The following COPS4 variants were observed in gnomAD, a reference collection of about 807,000 sequenced individuals.
The protein encoded by COPS4 is COP9 signalosome subunit 4, also known as COP9 signalosome complex subunit 4.
A neutral mutation model predicts 55.1 loss-of-function variants in COPS4; 8 were observed. The ratio of observed to expected loss-of-function variants is 0.15; its 90% CI spans 0.09 to 0.26. The LOEUF is 0.26. Among genes scored for constraint, COPS4 ranks in the 10% least tolerant of loss-of-function variants. The pLI is 1.00. For synonymous variants in COPS4, 185 were observed against 165.7 expected, an observed-to-expected ratio of 1.12 and a Z score of -0.90; for missense variants, 248 against 484.0, an observed-to-expected ratio of 0.51 and a Z score of 4.58.
At chr4:83,064,866 T>G (rs909039570) in intron 7 of COPS4, among the ~76,000 whole-genome samples, 1 of 120,148 alleles carries the variant, frequency 8.3e-6, no homozygotes, top group Non-Finnish European at 1.7e-5. Context: ...GGTTAAGCAG[T>G]CCCTTTTTTT....
At chr4:83,070,054 A>G (rs1731383548) in intron 9 of COPS4, among the ~76,000 whole-genome samples, 1 of 152,140 alleles carries the variant, frequency 6.6e-6, no homozygotes, top group Non-Finnish European at 1.5e-5. Context: ...AACATATCAA[A>G]TAGTGTTGAT....
intron 4 of COPS4, among the ~76,000 whole-genome samples, chr4:83,053,734 G>GCTTCACC (rs1730945623): frequency 6.7e-6 from 1 of 149,460 alleles, no homozygotes. Context: ...CAGCTACTGG[G>GCTTCACC]GAGGCTGAAG....
chr4:83,063,422 C>CAA (rs2126133317), intron 7 of COPS4, among the ~76,000 whole-genome samples, 176 bp downstream of exon 7: 1 of 150,196 alleles, frequency 6.7e-6, no homozygotes, highest in Admixed American at 6.6e-5. Context: ...TTTTTTGAGA[C>CAA]AGAGTCTTGC....
chr4:83,038,525 T>G (rs1730481264), intron 1 of COPS4, among the ~76,000 whole-genome samples: 2 of 152,252 alleles, frequency 1.3e-5, no homozygotes, highest in African/African-American at 4.8e-5. Flanking sequence ...CTAGAATGCC[T>G]GTCTTCCTAC....
intron 9 of COPS4, among the ~76,000 whole-genome samples, chr4:83,070,180 A>G (rs987524782): frequency 1.3e-5 from 2 of 152,152 alleles, no homozygotes; most frequent in African/African-American, 4.8e-5. Flanking sequence ...TCATCTTTGT[A>G]GAATCTGTAG....
chr4:83,060,778 T>C (rs980152865), intron 6 of COPS4, among the ~76,000 whole-genome samples: 4 of 151,254 alleles, frequency 2.6e-5, no homozygotes, highest in African/African-American at 9.7e-5. Flanking sequence ...CTCACGCCTG[T>C]AATCCCAGCA....
intron 4 of COPS4, 32 bp from the exon 5 acceptor site, chr4:83,056,894 G>T: frequency 6.6e-7 from 1 of 1,514,730 alleles, no homozygotes; most frequent in Non-Finnish European, 9.0e-7. Flanking sequence ...ACAAAATGTT[G>T]AGTCATTATG....
At chr4:83,062,648 T>C (rs1380806099) in intron 6 of COPS4, among the ~76,000 whole-genome samples, 5 of 152,228 alleles carry the variant, frequency 3.3e-5, no homozygotes, top group African/African-American at 9.6e-5. Flanking sequence ...CACCCAGCCA[T>C]AGTGCTGAAG....
At chr4:83,060,527 C>G (rs1731138558) in intron 6 of COPS4, among the ~76,000 whole-genome samples, 1 of 151,008 alleles carries the variant, frequency 6.6e-6, no homozygotes, top group Admixed American at 6.6e-5. Context: ...AGGATGGTGT[C>G]GATCTCCTGA....
In COPS4 at chr4:83,065,129, G is replaced by C. The variant is rs1202533480; in HGVS notation, c.887-1309G>C. 15 of 652,226 alleles carry C rather than the reference G, an allele frequency of 2.3e-5. No homozygotes were observed. In the East Asian group the frequency reaches 4.4e-4, roughly 19 times the overall value. 40.4% of individuals were successfully genotyped at this position (652,226 alleles called of 1,614,324 possible). The stretch of plus-strand genomic sequence containing the variant: ...GGCTCAAGCAGTTCCTCCCATCTTG[G>C]CTTCCCAAAGTGCTGGGATGATAGG... On this transcript the variant is annotated intron_variant, in intron 7 of 9. Coordinates refer to ENST00000264389, the MANE Select transcript of COPS4 (RefSeq NM_016129.3).
At chr4:83,060,760 C>T (rs1269847954) in intron 6 of COPS4, among the ~76,000 whole-genome samples, 1 of 151,634 alleles carries the variant, frequency 6.6e-6, no homozygotes, top group Non-Finnish European at 1.5e-5. Context: ...TGAGGCCAGG[C>T]ACGGTGGCTC....
chr4:83,041,274 G>A lies in COPS4; in HGVS notation c.75-4352G>A, dbSNP rs564921692. Among the ~76,000 whole-genome samples the A allele has an allele frequency of 3.3e-5, 5 of 151,958 alleles. No individual in the cohort carries two copies. The South Asian group carries it at 1.0e-3, about 32-fold the overall frequency. On this transcript the variant is annotated intron_variant, in intron 1 of 9. Coordinates refer to ENST00000264389, the MANE Select transcript of COPS4 (RefSeq NM_016129.3). ...GACAGAGTTTCACCATGTTGGGCAG[G>A]CTGGTCTTGAACTCCTGACCTCAGG...
At chr4:83,039,889 G>A (rs754698274) in intron 1 of COPS4, among the ~76,000 whole-genome samples, 1 of 152,144 alleles carries the variant, frequency 6.6e-6, no homozygotes, top group African/African-American at 2.4e-5. Context: ...CTCCTGCCTC[G>A]GCCTACAAAA....
chr4:83,063,293 A>C (rs376957792), intron 7 of COPS4, 47 bp downstream of exon 7: 335 of 1,317,316 alleles, frequency 2.5e-4, no homozygotes, highest in Non-Finnish European at 3.3e-4. Flanking sequence ...GTTTAGGTAC[A>C]GACTAGTGAA....
rs767702565 is a variant in COPS4 at position 83,049,913 on chromosome 4, A to T, written c.339A>T (p.Ile113=). The change falls in exon 4 of 10, where the codon ATA becomes ATT. Residue 113 remains isoleucine (I), a synonymous_variant. Coordinates refer to ENST00000264389, the MANE Select transcript of COPS4 (RefSeq NM_016129.3). ...CCATAAGACAGCATCTTGCATCTAT[A>T]TATGAGAAAGAAGAAGATTGGAGAA... The part of the protein sequence containing the change: ...VASIRQHLAS[I]YEKEEDWRNA... The T allele has an allele frequency of 5.0e-6, 8 of 1,611,552 alleles. No homozygotes were observed. Among genetic ancestry groups the T allele is most frequent in the Non-Finnish European group, 6.8e-6 (8 of 1,179,000 alleles).
intron 9 of COPS4, 53 bp from the exon 10 acceptor site, chr4:83,075,244 T>G: frequency 6.5e-7 from 1 of 1,546,238 alleles, no homozygotes; most frequent in Non-Finnish European, 8.9e-7. Flanking sequence ...AACTCACAGT[T>G]GCTGTGAATA....
intron 1 of COPS4, among the ~76,000 whole-genome samples, chr4:83,038,579 A>G (rs1416070529): frequency 6.6e-6 from 1 of 152,108 alleles, no homozygotes; most frequent in African/African-American, 2.4e-5. Flanking sequence ...GATCAACCCC[A>G]TCCAATGATT....
At chr4:83,043,549 A>G (rs35981967) in intron 1 of COPS4, among the ~76,000 whole-genome samples, 27 of 145,114 alleles carry the variant, frequency 1.9e-4, no homozygotes, top group East Asian at 4.0e-4. Context: ...AAAAAAAACC[A>G]TAACAACCAC....
chr4:83,049,380 A>G (rs1730800974), intron 3 of COPS4, 63 bp downstream of exon 3: 23 of 1,399,238 alleles, frequency 1.6e-5, no homozygotes, highest in Admixed American at 2.5e-5. Flanking sequence ...AGAATCTGAT[A>G]TTAGTAAATT....
Sources: gnomAD v4.1 joint callset for allele counts (sites outside exome capture counted in the v4.1 genomes callset) on GRCh38, gnomAD v4.1.1 for gene constraint, MANE v1.5 for transcripts, NCBI Gene and HGNC (gene_info 2026-07-23, HGNC 2026-07-21) for gene names.